The following CBFA2T2 variants were observed in gnomAD, a reference collection of about 807,000 sequenced individuals.
CBFA2T2 encodes CBFA2/RUNX1 partner transcriptional co-repressor 2, also known as protein CBFA2T2.
Under a neutral mutation model 62.2 loss-of-function variants are expected in CBFA2T2, and 11 were observed. The ratio of observed to expected loss-of-function variants is 0.18; its 90% CI spans 0.11 to 0.29. The LOEUF (loss-of-function observed/expected upper bound fraction) is 0.29. Among genes scored for constraint, CBFA2T2 ranks in the 10% least tolerant of loss-of-function variants. The pLI is 1.00. For synonymous variants in CBFA2T2, 295 were observed against 287.5 expected (o/e 1.03, Z -0.27); for missense variants, 592 against 774.1 (o/e 0.76, Z 2.79).
intron 1 of CBFA2T2, among the ~76,000 whole-genome samples, chr20:33,499,209 C>A (rs1427708191): frequency 6.6e-6 from 1 of 152,120 alleles, no homozygotes; most frequent in Non-Finnish European, 1.5e-5. Context: ...AGTTAATTCA[C>A]TAAGTTCAGG....
chr20:33,639,940 T>C (rs1331938388), intron 9 of CBFA2T2, among the ~76,000 whole-genome samples: 1 of 152,208 alleles, frequency 6.6e-6, no homozygotes, highest in Non-Finnish European at 1.5e-5. Context: ...GCAAGACTTT[T>C]TGCAAAATCT....
At chr20:33,505,595 AC>A (rs2011388989) in intron 1 of CBFA2T2, among the ~76,000 whole-genome samples, 1 of 152,028 alleles carries the variant, frequency 6.6e-6, no homozygotes, top group African/African-American at 2.4e-5. Context: ...ACCAGCCTCA[AC>A]ATGGAGAAAC....
At chr20:33,566,045 G>A (rs1413944826) in intron 1 of CBFA2T2, among the ~76,000 whole-genome samples, 1 of 152,132 alleles carries the variant, frequency 6.6e-6, no homozygotes. Context: ...GACAATATTA[G>A]GGTTGGAAAG....
intron 1 of CBFA2T2, chr20:33,574,146 A>G (rs1452391424): frequency 6.9e-6 from 11 of 1,604,522 alleles, no homozygotes; most frequent in Admixed American, 1.7e-5. Context: ...CACAATCCTG[A>G]CTGTACCTGT....
intron 10 of CBFA2T2, among the ~76,000 whole-genome samples, chr20:33,641,922 G>T (rs1184363180): frequency 6.6e-6 from 1 of 150,764 alleles, no homozygotes; most frequent in Admixed American, 6.6e-5. Context: ...AATTTAAATG[G>T]TCCATTTCAG....
In CBFA2T2 at chr20:33,647,230, T is replaced by A. The variant is rs1434499237; in HGVS notation, c.*2584T>A. On this transcript the variant is annotated 3_prime_UTR_variant, in exon 11 of 11. Coordinates refer to ENST00000342704, the MANE Select transcript of CBFA2T2 (RefSeq NM_001032999.3). ...CAGAGCCATTACAACAGCTTACTAG[T>A]TTTTCATGGATTTGTTGGATTAACA... The A allele has an allele frequency of 6.6e-6, 1 of 152,174 alleles. No individual in the cohort carries two copies. The highest frequency in any genetic ancestry group is 1.5e-5 in the Non-Finnish European group (1 of 68,040). 9.4% of individuals were successfully genotyped at this position (152,174 alleles called of 1,614,324 possible).
At chr20:33,538,958 C>T (rs1194905774) in intron 1 of CBFA2T2, among the ~76,000 whole-genome samples, 1 of 152,068 alleles carries the variant, frequency 6.6e-6, no homozygotes, top group Non-Finnish European at 1.5e-5. Flanking sequence ...TAATTCCTAG[C>T]TACCAATTAC....
At chr20:33,518,773 CAAAA>C (rs776181082) in intron 1 of CBFA2T2, among the ~76,000 whole-genome samples, 2 of 126,868 alleles carry the variant, frequency 1.6e-5, no homozygotes, top group Non-Finnish European at 3.4e-5. Flanking sequence ...ACTCCTTCTC[CAAAA>C]AAAAAAAAAA....
At chr20:33,562,931 A>G (rs958511118) in intron 1 of CBFA2T2, among the ~76,000 whole-genome samples, 3 of 152,242 alleles carry the variant, frequency 2.0e-5, no homozygotes, top group Non-Finnish European at 4.4e-5. Context: ...TATGAATTCT[A>G]CAGCTAGAAA....
At chr20:33,623,732 C>T (rs1465448888) in intron 5 of CBFA2T2, 1 of 696,156 alleles carries the variant, frequency 1.4e-6, no homozygotes, top group South Asian at 1.6e-5. Context: ...CCCAATGTCT[C>T]AGACTTTCTG....
intron 8 of CBFA2T2, among the ~76,000 whole-genome samples, chr20:33,632,117 T>G (rs193218712): frequency 6.6e-6 from 1 of 151,666 alleles, no homozygotes; most frequent in African/African-American, 2.4e-5. Context: ...GTGCACATTC[T>G]TGGCTCATTG....
intron 1 of CBFA2T2, among the ~76,000 whole-genome samples, chr20:33,582,286 C>T (rs1006024883): frequency 6.8e-6 from 1 of 147,562 alleles, no homozygotes; most frequent in Admixed American, 6.8e-5. Context: ...TGAGGTCAGG[C>T]GAGACCAGCC....
chr20:33,514,316 A>T (rs1018671124), intron 1 of CBFA2T2, among the ~76,000 whole-genome samples: 3 of 149,676 alleles, frequency 2.0e-5, no homozygotes, highest in Middle Eastern at 3.5e-3. Flanking sequence ...TTGGGTTCAA[A>T]CGATTCTCCT....
At chr20:33,638,373 G>A (rs1363411828) in intron 9 of CBFA2T2, among the ~76,000 whole-genome samples, 3 of 152,208 alleles carry the variant, frequency 2.0e-5, no homozygotes, top group African/African-American at 7.2e-5. Flanking sequence ...TGTTGGGCCA[G>A]CTAGGTTTGA....
At chr20:33,628,209 G>T in intron 6 of CBFA2T2, 141 bp from the exon 7 acceptor site, 1 of 616,650 alleles carries the variant, frequency 1.6e-6, no homozygotes, top group Non-Finnish European at 2.9e-6. Context: ...TTGTCATTTT[G>T]TGGGTCCCCC....
At chr20:33,546,373 C>CT (rs982949973) in intron 1 of CBFA2T2, among the ~76,000 whole-genome samples, 17 of 146,734 alleles carry the variant, frequency 1.2e-4, no homozygotes, top group East Asian at 6.0e-4. Context: ...TGAATTTCTT[C>CT]TTTTTTTTGG....
chr20:33,613,675 G>A (rs988955118), intron 3 of CBFA2T2, among the ~76,000 whole-genome samples: 6 of 152,098 alleles, frequency 3.9e-5, no homozygotes, highest in South Asian at 2.1e-4. Context: ...CATACTGTTC[G>A]CAGAACCACT....
intron 1 of CBFA2T2, among the ~76,000 whole-genome samples, chr20:33,533,786 C>G (rs942560362): frequency 1.3e-5 from 2 of 152,090 alleles, no homozygotes; most frequent in Non-Finnish European, 2.9e-5. Flanking sequence ...ACCAGCTTGG[C>G]CAACATGGTG....
chr20:33,639,764 G>C (rs1483690632), intron 9 of CBFA2T2: 1 of 152,404 alleles, frequency 6.6e-6, no homozygotes, highest in Non-Finnish European at 1.5e-5. Context: ...GGTGGGACAC[G>C]CCTGTAGTCC....
Sources: gnomAD v4.1 joint callset for allele counts (sites outside exome capture counted in the v4.1 genomes callset) on GRCh38, gnomAD v4.1.1 for gene constraint, MANE v1.5 for transcripts, NCBI Gene and HGNC (gene_info 2026-07-23, HGNC 2026-07-21) for gene names.